Variants in KSR1 observed in about 807,000 individuals in gnomAD.
KSR1 encodes the protein kinase suppressor of ras 1.
In KSR1, 35 loss-of-function variants were observed where a neutral mutation model predicts 92.9. The observed-to-expected ratio is 0.38, with a 90% CI of 0.29 to 0.50. The LOEUF (loss-of-function observed/expected upper bound fraction) is 0.50. KSR1 is among the 20% of genes least tolerant of loss of function. The pLI is 0.94. For synonymous variants in KSR1, 467 were observed against 472.6 expected, an observed-to-expected ratio of 0.99 and a Z score of 0.15; for missense variants, 972 against 1,158.5, an observed-to-expected ratio of 0.84 and a Z score of 2.34.
chr17:27,608,144 G>A (rs1477908160), intron 15 of KSR1, 134 bp downstream of exon 15: 1 of 634,606 alleles, frequency 1.6e-6, no homozygotes, highest in Non-Finnish European at 2.9e-6. Flanking sequence ...GGCTCCTCAA[G>A]GGTGGGACCC....
chr17:27,588,904 T>A (rs918688447), intron 6 of KSR1, among the ~76,000 whole-genome samples: 1 of 152,062 alleles, frequency 6.6e-6, no homozygotes, highest in African/African-American at 2.4e-5. Flanking sequence ...CATATCAGAG[T>A]CCGCTGTAGA....
Position 27,560,914 on chromosome 17 carries a change from C to T in KSR1, c.372+10206C>T, listed in dbSNP as rs140313016. ...GGAGGGATCTGTGCCAATGTGTCAG[C>T]CCAGCAGCACAGGGCTGCCTTGGTA... On this transcript the variant is annotated intron_variant, in intron 2 of 20. Transcript: ENST00000644974. Among the ~76,000 whole-genome samples, 1,069 of 152,342 alleles carry T rather than the reference C, an allele frequency of 7.0e-3. 13 individuals are homozygous for T. The highest frequency in any genetic ancestry group is 0.025 in the African/African-American group (1,037 of 41,572).
In KSR1 at chr17:27,624,098, C is replaced by T. The variant is rs2074291700; in HGVS notation, c.*706C>T. ...CTGGACTCACCCGGTGGTTCCCAGCCAGGGTTTCTGCTGCAAGGTGAGGAA... is the reference window on the plus strand; with the variant it reads ...CTGGACTCACCCGGTGGTTCCCAGCTAGGGTTTCTGCTGCAAGGTGAGGAA... On this transcript the variant is annotated 3_prime_UTR_variant, in exon 21 of 21. Coordinates refer to ENST00000644974, the MANE Select transcript of KSR1 (RefSeq NM_001394583.1). 1 of 153,802 alleles carries T rather than the reference C, an allele frequency of 6.5e-6. No individual in the cohort carries two copies. The highest frequency in any genetic ancestry group is 2.1e-4 in the South Asian group (1 of 4,844). 9.5% of individuals were successfully genotyped at this position (153,802 alleles called of 1,614,324 possible). A position where few individuals can be genotyped will look rare whatever the true frequency, so the allele number is the denominator to read the frequency against.
At chr17:27,506,355 A>C (rs917477324) in intron 1 of KSR1, among the ~76,000 whole-genome samples, 1 of 152,232 alleles carries the variant, frequency 6.6e-6, no homozygotes, top group Non-Finnish European at 1.5e-5. Flanking sequence ...ACTCCACTGC[A>C]ATAATTACAA....
chr17:27,520,383 G>A (rs1236829612), intron 1 of KSR1, among the ~76,000 whole-genome samples: 1 of 152,164 alleles, frequency 6.6e-6, no homozygotes, highest in Non-Finnish European at 1.5e-5. Flanking sequence ...GTAAATTTAT[G>A]TGCCTGTGGA....
At chr17:27,595,987 A>G (rs1409402302) in intron 9 of KSR1, among the ~76,000 whole-genome samples, 1 of 152,128 alleles carries the variant, frequency 6.6e-6, no homozygotes, top group Non-Finnish European at 1.5e-5. Context: ...GATTGAGTTG[A>G]TAATCAGTGC....
chr17:27,531,938 T>C (rs1226264855), intron 1 of KSR1, among the ~76,000 whole-genome samples: 1 of 152,218 alleles, frequency 6.6e-6, no homozygotes, highest in Non-Finnish European at 1.5e-5. Context: ...GACCACTCGC[T>C]CACAGCAGGT....
chr17:27,484,015 G>A (rs2068591544), intron 1 of KSR1, among the ~76,000 whole-genome samples: 1 of 152,226 alleles, frequency 6.6e-6, no homozygotes, highest in African/African-American at 2.4e-5. Context: ...CAGTGGTGGA[G>A]GGTGGGGAGC....
At chr17:27,504,390 A>G (rs964504366) in intron 1 of KSR1, among the ~76,000 whole-genome samples, 6 of 152,162 alleles carry the variant, frequency 3.9e-5, no homozygotes, top group Non-Finnish European at 8.8e-5. Context: ...GCTGTGGCAC[A>G]GTCACGTTTG....
chr17:27,606,508 G>A (rs1457989290), intron 14 of KSR1, among the ~76,000 whole-genome samples: 3 of 152,192 alleles, frequency 2.0e-5, no homozygotes, highest in African/African-American at 7.2e-5. Context: ...ACCCGATTGT[G>A]GGTCTGAGGT....
At chr17:27,489,870 G>A (rs750400393) in intron 1 of KSR1, among the ~76,000 whole-genome samples, 2 of 152,170 alleles carry the variant, frequency 1.3e-5, no homozygotes, top group Non-Finnish European at 2.9e-5. Flanking sequence ...GAAAAGGAGG[G>A]GCAGCTGCGT....
chr17:27,598,538 G>C (rs551825515), intron 10 of KSR1, among the ~76,000 whole-genome samples: 1 of 152,122 alleles, frequency 6.6e-6, no homozygotes, highest in African/African-American at 2.4e-5. Flanking sequence ...TGACATTCAC[G>C]CGTTGTCCTG....
chr17:27,571,132 C>T (rs1247392341), intron 2 of KSR1, among the ~76,000 whole-genome samples: 2 of 152,182 alleles, frequency 1.3e-5, no homozygotes, highest in Admixed American at 6.5e-5. Context: ...AACCAACTGA[C>T]TCTCCTGGGA....
At chr17:27,493,453 C>T (rs61123571) in intron 1 of KSR1, among the ~76,000 whole-genome samples, 5,272 of 152,228 alleles carry the variant, frequency 0.035, 276 homozygotes, top group African/African-American at 0.12. Context: ...GAGACATTAA[C>T]GATCAGCTCC....
intron 2 of KSR1, among the ~76,000 whole-genome samples, chr17:27,552,973 T>G (rs1268166971): frequency 2.0e-5 from 3 of 152,148 alleles, no homozygotes; most frequent in Admixed American, 1.3e-4. Context: ...TAGCACTCAG[T>G]GGGTATAGAA....
At chr17:27,465,787 A>G (rs925108831) in intron 1 of KSR1, among the ~76,000 whole-genome samples, 3 of 152,012 alleles carry the variant, frequency 2.0e-5, no homozygotes, top group Admixed American at 6.5e-5. Context: ...AATTTATCCA[A>G]TTAATTTGGG....
chr17:27,579,910 A>AAAT (rs1245755609), intron 3 of KSR1: 7 of 149,906 alleles, frequency 4.7e-5, no homozygotes, highest in Non-Finnish European at 8.9e-5. Context: ...AAAAAAAAAA[A>AAAT]AGTGAGTGAA....
intron 1 of KSR1, among the ~76,000 whole-genome samples, chr17:27,479,538 G>A (rs1326500102): frequency 6.6e-6 from 1 of 152,144 alleles, no homozygotes; most frequent in African/African-American, 2.4e-5. Flanking sequence ...CAGGTGACAG[G>A]GATGGGCTGC....
intron 2 of KSR1, among the ~76,000 whole-genome samples, chr17:27,567,765 C>T (rs1000643490): frequency 6.6e-6 from 1 of 152,226 alleles, no homozygotes; most frequent in Admixed American, 6.5e-5. Flanking sequence ...CTCGCCCTCC[C>T]GGGGGCATGG....
Sources: gnomAD v4.1 joint callset for allele counts (sites outside exome capture counted in the v4.1 genomes callset) on GRCh38, gnomAD v4.1.1 for gene constraint, MANE v1.5 for transcripts, NCBI Gene and HGNC (gene_info 2026-07-23, HGNC 2026-07-21) for gene names.